The following IGF2BP2 variants were observed in gnomAD, a reference collection of about 807,000 sequenced individuals.
IGF2BP2 encodes insulin like growth factor 2 mRNA binding protein 2, also known as insulin-like growth factor 2 mRNA-binding protein 2.
In IGF2BP2, 17 loss-of-function variants were observed where a neutral mutation model predicts 75.8. The ratio of observed to expected loss-of-function variants is 0.22; its 90% confidence interval spans 0.15 to 0.34. The LOEUF is 0.34. Ranked by LOEUF, IGF2BP2 falls within the 10% of genes least tolerant of loss-of-function variation. The pLI is 1.00. For synonymous variants in IGF2BP2, 288 were observed against 295.6 expected, an observed-to-expected ratio of 0.97 and a Z score of 0.26; for missense variants, 516 against 772.4, an observed-to-expected ratio of 0.67 and a Z score of 3.93.
intron 13 of IGF2BP2, among the ~76,000 whole-genome samples, chr3:185,651,617 A>G (rs1351633491): frequency 6.6e-6 from 1 of 152,228 alleles, no homozygotes; most frequent in African/African-American, 2.4e-5. Flanking sequence ...AAATAAATAA[A>G]TATGTGTTTC....
chr3:185,791,700 A>T (rs79992600), intron 2 of IGF2BP2, among the ~76,000 whole-genome samples: 8 of 152,228 alleles, frequency 5.3e-5, no homozygotes, highest in African/African-American at 1.7e-4. Flanking sequence ...GAGAGAGAAG[A>T]CAATGGAATA....
intron 2 of IGF2BP2, among the ~76,000 whole-genome samples, chr3:185,763,368 TC>T: frequency 6.6e-6 from 1 of 152,356 alleles, no homozygotes; most frequent in East Asian, 1.9e-4. Context: ...ATGTAATTGT[TC>T]CTGACACTCC....
At chr3:185,742,897 G>A (rs955252581) in intron 2 of IGF2BP2, among the ~76,000 whole-genome samples, 46 of 152,154 alleles carry the variant, frequency 3.0e-4, no homozygotes, top group Admixed American at 2.1e-3. Context: ...TCAGGAGTTC[G>A]AGACCAGCCT....
intron 15 of IGF2BP2, among the ~76,000 whole-genome samples, chr3:185,646,704 G>A (rs1713618673): frequency 6.6e-6 from 1 of 152,196 alleles, no homozygotes; most frequent in South Asian, 2.1e-4. Flanking sequence ...GAGGCCTGAG[G>A]AGAGAGGGTG....
intron 2 of IGF2BP2, among the ~76,000 whole-genome samples, chr3:185,728,054 T>C (rs2290066): frequency 0.33 from 50,026 of 152,098 alleles, 8,951 homozygotes; most frequent in African/African-American, 0.47. Context: ...AGCTGGAGAA[T>C]GCATAGGGAG....
intron 2 of IGF2BP2, among the ~76,000 whole-genome samples, chr3:185,723,764 A>G (rs558983475): frequency 7.9e-5 from 12 of 152,322 alleles, no homozygotes; most frequent in Non-Finnish European, 1.5e-4. Context: ...GGGTGAAATC[A>G]TTCCAGAAGA....
rs549401457 is a variant in IGF2BP2, at chr3:185,773,819, T to C, written c.239+49334A>G. On this transcript the variant is annotated intron_variant, in intron 2 of 15. Transcript: ENST00000382199. Reference sequence around the variant, plus strand: ...TTCTTTTCATTAGCTCAATTTTACTTGCAGTCTGAATACTCGTTTAAAAAC... The same window carrying C: ...TTCTTTTCATTAGCTCAATTTTACTCGCAGTCTGAATACTCGTTTAAAAAC... Among the ~76,000 whole-genome samples, 11 of 152,344 alleles carry C rather than the reference T, an allele frequency of 7.2e-5. No individual in the cohort carries two copies. In the East Asian group the frequency reaches 2.1e-3, roughly 29 times the overall value.
At position 185,734,729 on chromosome 3, in the gene IGF2BP2, C is replaced by T. The variant is rs80076027; in HGVS notation, c.240-36382G>A. On this transcript the variant is annotated intron_variant, in intron 2 of 15. Transcript: ENST00000382199. ...GGAAATTAATTGTAAGCTCAACTTT[C>T]TTTGGACAGATCTTATGAGACTCAG... is the stretch of plus-strand genomic sequence containing the variant. 2.5e-3 allele frequency among the ~76,000 whole-genome samples: 382 copies of T among 152,324 alleles called. 4 individuals are homozygous for T. The East Asian group carries it at 0.036, about 14-fold the overall frequency.
chr3:185,645,646 GAGGAAGGGAC>G lies in IGF2BP2; in HGVS notation c.1708-33_1708-24del. On this transcript the variant is annotated intron_variant, in intron 15 of 15. Coordinates refer to ENST00000382199, the MANE Select transcript of IGF2BP2 (RefSeq NM_006548.6). The surrounding 1 kb of genome is among the most constrained non-coding windows in gnomAD (Gnocchi z 4.9). The stretch of plus-strand genomic sequence containing the variant: ...AGTCTGCAGCAAGGGAGAGAAGGGA[GAGGAAGGGAC>G]AGGGGAAAAAAGGAACCCAGTTCTG... The G allele has an allele frequency of 6.3e-7, 1 of 1,597,566 alleles. No homozygotes were observed. Among genetic ancestry groups the G allele is most frequent in the Non-Finnish European group, 8.6e-7 (1 of 1,164,948 alleles).
intron 2 of IGF2BP2, among the ~76,000 whole-genome samples, chr3:185,754,284 G>A (rs1731320288): frequency 6.6e-6 from 1 of 152,012 alleles, no homozygotes; most frequent in African/African-American, 2.4e-5. Context: ...TGACATGCCT[G>A]CTTCCCCTCA....
At chr3:185,799,182 T>C (rs1429510197) in intron 2 of IGF2BP2, among the ~76,000 whole-genome samples, 2 of 150,744 alleles carry the variant, frequency 1.3e-5, no homozygotes, top group Non-Finnish European at 3.0e-5. Flanking sequence ...GGCAGATCAC[T>C]TGAGCCCAGG....
intron 12 of IGF2BP2, 144 bp downstream of exon 12, chr3:185,657,142 G>A (rs532991793): frequency 5.5e-4 from 322 of 588,510 alleles, no homozygotes; most frequent in Middle Eastern, 5.2e-3. Flanking sequence ...GAGCGGACGG[G>A]AATAGTCATG....
intron 10 of IGF2BP2, among the ~76,000 whole-genome samples, chr3:185,671,248 T>C (rs1718454872): frequency 6.6e-6 from 1 of 152,064 alleles, no homozygotes; most frequent in African/African-American, 2.4e-5. Context: ...TATGAAGAGA[T>C]TTAGAAATGA....
chr3:185,820,559 TTTTCTA>T (rs1295692293), intron 2 of IGF2BP2, among the ~76,000 whole-genome samples: 7 of 151,362 alleles, frequency 4.6e-5, no homozygotes, highest in South Asian at 2.1e-4. Context: ...AAGAAAAGAG[TTTTCTA>T]TTTCTAAGTG....
chr3:185,772,242 GT>G (rs1235986859), intron 2 of IGF2BP2, among the ~76,000 whole-genome samples: 1 of 152,128 alleles, frequency 6.6e-6, no homozygotes, highest in Non-Finnish European at 1.5e-5. Context: ...ACTCAAAAAT[GT>G]TTGCTGAATA....
chr3:185,730,721 T>A (rs1275424966), intron 2 of IGF2BP2, among the ~76,000 whole-genome samples: 1 of 152,182 alleles, frequency 6.6e-6, no homozygotes, highest in Non-Finnish European at 1.5e-5. Context: ...GTCTTTTTTA[T>A]ACAATGGTTC....
intron 11 of IGF2BP2, among the ~76,000 whole-genome samples, chr3:185,658,134 G>C (rs369237533): frequency 1.3e-5 from 2 of 152,208 alleles, no homozygotes; most frequent in Non-Finnish European, 2.9e-5. Context: ...AGGTGCAACA[G>C]CAACGGCCTA....
intron 2 of IGF2BP2, among the ~76,000 whole-genome samples, chr3:185,772,320 T>C (rs1438193857): frequency 6.6e-6 from 1 of 152,170 alleles, no homozygotes; most frequent in Non-Finnish European, 1.5e-5. Context: ...GGCTGTTCTA[T>C]TTGCTGAAGA....
intron 2 of IGF2BP2, among the ~76,000 whole-genome samples, chr3:185,757,064 C>G (rs2149672700): frequency 6.6e-6 from 1 of 152,360 alleles, no homozygotes; most frequent in East Asian, 1.9e-4. Context: ...AGCCGTATCT[C>G]TATCCTAGCA....
Sources: allele counts gnomAD v4.1 joint callset (sites outside exome capture counted in the v4.1 genomes callset), GRCh38; gene constraint gnomAD v4.1.1; non-coding constraint Gnocchi (gnomAD v3.1); transcripts MANE v1.5; gene names NCBI Gene and HGNC (gene_info 2026-07-23, HGNC 2026-07-21).